The following LUZP1 variants were observed in gnomAD, a reference collection of about 807,000 sequenced individuals.
LUZP1 encodes the protein filamin mechanobinding actin cross-linking protein.
In LUZP1, 25 loss-of-function variants were observed where a neutral mutation model predicts 71.3. The observed-to-expected ratio is 0.35, with a 90% confidence interval of 0.26 to 0.49. The LOEUF (loss-of-function observed/expected upper bound fraction) is 0.49. Among genes scored for constraint, LUZP1 ranks in the 20% least tolerant of loss-of-function variants. The probability of loss-of-function intolerance (pLI) is 0.99; values close to 1 mark genes in which losing one functional copy is unlikely to be tolerated. For missense variants in LUZP1, 1,142 were observed against 1,300.8 expected, an observed-to-expected ratio of 0.88 and a Z score of 1.88; for synonymous variants, 481 against 506.4, an observed-to-expected ratio of 0.95 and a Z score of 0.67.
rs925572757 is a variant in LUZP1 at position 23,168,875 on chromosome 1, A to G, written c.-335T>C. 1.3e-5 allele frequency: 2 copies of G among 152,156 alleles called. No homozygotes were observed. The highest frequency in any genetic ancestry group is 6.5e-5 in the Admixed American group (1 of 15,274). 9.4% of individuals were successfully genotyped at this position (152,156 alleles called of 1,614,324 possible). On this transcript the variant is annotated 5_prime_UTR_variant, in exon 2 of 5. Coordinates refer to ENST00000302291, the Ensembl canonical transcript of LUZP1. ...GACTGACAATGAGGGGCGGGGCCAA[A>G]TTGTGACGTCAGCGTTCTGGAAGGC...
intron 2 of LUZP1, among the ~76,000 whole-genome samples, chr1:23,134,904 G>T (rs976107079): frequency 6.6e-6 from 1 of 152,086 alleles, no homozygotes; most frequent in Non-Finnish European, 1.5e-5. Context: ...GTGCCACAGC[G>T]GTTTGCTGCA....
rs374361403 is a variant in LUZP1, at chr1:23,158,928, C to T, written c.-226+9838G>A. Among the ~76,000 whole-genome samples, 16 of 145,240 alleles carry T rather than the reference C, an allele frequency of 1.1e-4. No individual in the cohort carries two copies. In the East Asian group the frequency reaches 1.4e-3, roughly 13 times the overall value. ...GTTGCAGTGAGCTGACAGAGCAAGA[C>T]TCCATCTCAAAAAAAAAAAAAAAAA... On this transcript the variant is annotated intron_variant, in intron 2 of 4. Coordinates refer to ENST00000302291, the Ensembl canonical transcript of LUZP1.
intron 2 of LUZP1, among the ~76,000 whole-genome samples, chr1:23,151,083 G>A (rs1410544909): frequency 2.0e-5 from 3 of 151,992 alleles, no homozygotes; most frequent in African/African-American, 7.2e-5. Flanking sequence ...TCGCTCTGTC[G>A]CCCAGGCTGG....
chr1:23,136,896 C>T (rs187778511), intron 2 of LUZP1, among the ~76,000 whole-genome samples: 1 of 152,132 alleles, frequency 6.6e-6, no homozygotes, highest in East Asian at 1.9e-4. Context: ...CCAGCCTGGG[C>T]GACAGAGCAA....
At position 23,094,436 on chromosome 1, in the gene LUZP1, G is replaced by T; in HGVS notation, c.-119-56C>A. On this transcript the variant is annotated intron_variant, in intron 3 of 4. Coordinates refer to ENST00000302291, the Ensembl canonical transcript of LUZP1. The surrounding 1 kb of genome is among the most constrained non-coding windows in gnomAD (Gnocchi z 4.7). Reference sequence around the variant, plus strand: ...CAGCAAATGTAAAACCTGCACGTTAGCTCCCAGTTATAGAAAAGTGCTCCT... The same window carrying T: ...CAGCAAATGTAAAACCTGCACGTTATCTCCCAGTTATAGAAAAGTGCTCCT... 1 of 1,302,656 alleles carries T rather than the reference G, an allele frequency of 7.7e-7. No individual in the cohort carries two copies. Among genetic ancestry groups the T allele is most frequent in the Non-Finnish European group, 1.0e-6 (1 of 1,003,694 alleles). The allele number at this position is 1,302,656 out of a possible 1,614,324, so 80.7% of individuals were successfully genotyped here. A position where few individuals can be genotyped will look rare whatever the true frequency, so the allele number is the denominator to read the frequency against.
At position 23,149,925 on chromosome 1, in the gene LUZP1, G is replaced by GCACTCCAGCCTGGTGACGGA. The variant is rs1350676632; in HGVS notation, c.-226+18821_-226+18840dup. On this transcript the variant is annotated intron_variant, in intron 2 of 4. Coordinates refer to ENST00000302291, the Ensembl canonical transcript of LUZP1. ...TGCAGTGAGCCAAGATTGCGCCACT[G>GCACTCCAGCCTGGTGACGGA]CACTCCAGCCTGGTGACGGAGCCAG... Among the ~76,000 whole-genome samples, 6 of 123,296 alleles carry GCACTCCAGCCTGGTGACGGA rather than the reference G, an allele frequency of 4.9e-5. No homozygotes were observed. The East Asian group carries it at 1.6e-3, about 32-fold the overall frequency. The allele number at this position is 123,296 out of a possible 152,430, so 80.9% of individuals were successfully genotyped here. A position where few individuals can be genotyped will look rare whatever the true frequency, so the allele number is the denominator to read the frequency against.
intron 2 of LUZP1, among the ~76,000 whole-genome samples, chr1:23,153,339 T>C (rs974487193): frequency 1.3e-5 from 2 of 152,122 alleles, no homozygotes; most frequent in Non-Finnish European, 2.9e-5. Flanking sequence ...CTTTCTCAAA[T>C]ACAAAAGAAA....
At chr1:23,146,016 T>C (rs1165190605) in intron 2 of LUZP1, among the ~76,000 whole-genome samples, 2 of 152,138 alleles carry the variant, frequency 1.3e-5, no homozygotes, top group Admixed American at 1.3e-4. Context: ...GAATTCTTTG[T>C]CCTCACCATC....
At chr1:23,099,167 C>A (rs1014787207) in intron 3 of LUZP1, among the ~76,000 whole-genome samples, 1 of 152,188 alleles carries the variant, frequency 6.6e-6, no homozygotes, top group Non-Finnish European at 1.5e-5. Context: ...AAAAAGAAAG[C>A]TTTTCCCTTT....
intron 2 of LUZP1, among the ~76,000 whole-genome samples, chr1:23,164,942 G>A (rs1003780429): frequency 6.6e-6 from 1 of 152,114 alleles, no homozygotes; most frequent in Admixed American, 6.6e-5. Flanking sequence ...AAAATAAAAA[G>A]TTCAACTCCT....
At chr1:23,099,638 G>A (rs953351981) in intron 3 of LUZP1, among the ~76,000 whole-genome samples, 3 of 152,074 alleles carry the variant, frequency 2.0e-5, no homozygotes, top group Non-Finnish European at 4.4e-5. Flanking sequence ...GAGAGTCTGG[G>A]AATTATACCA....
exon 4 of LUZP1, chr1:23,091,740 G>T (rs1479221108): frequency 1.2e-6 from 2 of 1,614,032 alleles, no homozygotes; most frequent in Admixed American, 3.3e-5. Flanking sequence ...GAGCTCAAAA[G>T]GGGAGCTGAC....
chr1:23,142,478 C>G (rs1644310834), intron 2 of LUZP1, among the ~76,000 whole-genome samples: 1 of 151,996 alleles, frequency 6.6e-6, no homozygotes, highest in Admixed American at 6.6e-5. Context: ...TGTTTGATCA[C>G]TGAGGAAGGA....
intron 2 of LUZP1, among the ~76,000 whole-genome samples, chr1:23,156,666 C>G (rs1374038652): frequency 6.6e-6 from 1 of 152,146 alleles, no homozygotes; most frequent in Non-Finnish European, 1.5e-5. Context: ...GCACTGAAAA[C>G]AAGTGCTGTT....
At position 23,138,663 on chromosome 1, in the gene LUZP1, TTG is replaced by T. The variant is rs550739499; in HGVS notation, c.-225-29538_-225-29537del. Among the ~76,000 whole-genome samples the T allele has an allele frequency of 4.5e-3, 566 of 125,654 alleles. 13 individuals carry two copies. The highest frequency in any genetic ancestry group is 0.022 in the East Asian group (92 of 4,212). 82.4% of individuals were successfully genotyped at this position (125,654 alleles called of 152,430 possible). On this transcript the variant is annotated intron_variant, in intron 2 of 4. Coordinates refer to ENST00000302291, the Ensembl canonical transcript of LUZP1. ...TTTTTATGGTATATGGATTATGTGT[TTG>T]TGTGTGTGTGTGTGTGTGTGTGTGT...
intron 2 of LUZP1, among the ~76,000 whole-genome samples, chr1:23,132,160 C>T (rs1469899927): frequency 2.0e-5 from 3 of 152,140 alleles, no homozygotes; most frequent in Non-Finnish European, 4.4e-5. Context: ...TTTTCTGACA[C>T]CCCCTCCAGT....
exon 5 of LUZP1, chr1:23,088,652 C>T (rs1396518300): frequency 2.2e-6 from 1 of 446,524 alleles, no homozygotes; most frequent in Non-Finnish European, 4.0e-6. Context: ...TGGACAGGGA[C>T]AAGGAGAGAG....
chr1:23,144,349 T>C (rs1479572765), intron 2 of LUZP1, among the ~76,000 whole-genome samples: 1 of 152,116 alleles, frequency 6.6e-6, no homozygotes, highest in East Asian at 1.9e-4. Flanking sequence ...TCAAGTGGCA[T>C]AAGGCTGTAA....
rs1329601307 is a variant in LUZP1 at position 23,142,698 on chromosome 1, TATACACACAC to T, written c.-226+26058_-226+26067del. ...GGTGGGTGCATAAAATATATATATA[TATACACACAC>T]ACACACACACACACACACACACACA... On this transcript the variant is annotated intron_variant, in intron 2 of 4. Coordinates refer to ENST00000302291, the Ensembl canonical transcript of LUZP1. 9.4e-3 allele frequency among the ~76,000 whole-genome samples: 955 copies of T among 101,384 alleles called. 12 individuals are homozygous for T. Among genetic ancestry groups the T allele is most frequent in the East Asian group, 0.036 (145 of 4,024 alleles). 66.5% of individuals were successfully genotyped at this position (101,384 alleles called of 152,430 possible).
Sources: gnomAD v4.1 joint callset for allele counts (sites outside exome capture counted in the v4.1 genomes callset) on GRCh38, gnomAD v4.1.1 for gene constraint, Gnocchi (gnomAD v3.1) non-coding constraint, MANE v1.5 for transcripts, NCBI Gene and HGNC (gene_info 2026-07-23, HGNC 2026-07-21) for gene names.